Variants in HYDIN observed in about 807,000 individuals in gnomAD.
HYDIN encodes the protein axonemal central pair apparatus protein HYDIN.
In HYDIN, 132 loss-of-function variants were observed where a neutral mutation model predicts 403.9. The observed-to-expected ratio is 0.33, with a 90% CI of 0.28 to 0.38. The LOEUF is 0.38. Among genes scored for constraint, HYDIN ranks in the 10% least tolerant of loss-of-function variants. The probability of loss-of-function intolerance (pLI) is 1.00; values close to 1 mark genes in which losing one functional copy is unlikely to be tolerated. For missense variants in HYDIN, 2,827 were observed against 5,009.5 expected, an observed-to-expected ratio of 0.56 and a Z score of 13.15; for synonymous variants, 1,202 against 1,891.7, an observed-to-expected ratio of 0.64 and a Z score of 9.46.
chr16:70,928,421 C>A (rs1346928368), intron 45 of HYDIN, among the ~76,000 whole-genome samples: 1 of 152,126 alleles, frequency 6.6e-6, no homozygotes, highest in African/African-American at 2.4e-5. Context: ...TCACGCCAAG[C>A]ACTCCAGCAC....
At chr16:71,057,546 T>A (rs1238139308) in intron 18 of HYDIN, among the ~76,000 whole-genome samples, 1 of 152,180 alleles carries the variant, frequency 6.6e-6, no homozygotes, top group African/African-American at 2.4e-5. Context: ...TTAGTTCTCA[T>A]CCAAATGCAA....
chr16:70,921,308 T>A, intron 45 of HYDIN, 91 bp from the exon 46 acceptor site: 1 of 1,478,434 alleles, frequency 6.8e-7, no homozygotes, highest in Non-Finnish European at 9.0e-7. Flanking sequence ...TTTTGTCTCA[T>A]GAGAAGGTCT....
chr16:71,044,021 C>T (rs1347753685), intron 18 of HYDIN, among the ~76,000 whole-genome samples: 2 of 151,722 alleles, frequency 1.3e-5, no homozygotes, highest in Non-Finnish European at 2.9e-5. Flanking sequence ...AGCAAGCAAG[C>T]AAGGAAGCCT....
chr16:70,860,209 G>A lies in HYDIN; in HGVS notation c.11991-3C>T, dbSNP rs974354939. The A allele has an allele frequency of 6.2e-7, 1 of 1,611,338 alleles. No individual in the cohort carries two copies. The highest frequency in any genetic ancestry group is 8.5e-7 in the Non-Finnish European group (1 of 1,179,234). On this transcript the variant is annotated splice_region_variant and splice_polypyrimidine_tract_variant and intron_variant, in intron 70 of 85. Coordinates refer to ENST00000393567, the MANE Select transcript of HYDIN (RefSeq NM_001270974.2). ...TTGGGTTTAGGATGGTAAAGGTCCT[G>A]GCCAGGGTGGAGAGAATTGACAGAA...
intron 31 of HYDIN, 137 bp from the exon 32 acceptor site, chr16:70,974,807 C>T: frequency 2.7e-6 from 2 of 749,036 alleles, no homozygotes; most frequent in Non-Finnish European, 4.3e-6. Flanking sequence ...CAAATGGCTA[C>T]CCAAATGGAG....
intron 42 of HYDIN, among the ~76,000 whole-genome samples, chr16:70,943,539 G>C (rs1213411910): frequency 6.6e-6 from 1 of 152,052 alleles, no homozygotes. Context: ...GCTCCACATT[G>C]TAATTTTTAA....
intron 35 of HYDIN, among the ~76,000 whole-genome samples, chr16:70,972,939 T>C (rs1262125046): frequency 6.6e-6 from 1 of 152,244 alleles, no homozygotes; most frequent in Non-Finnish European, 1.5e-5. Flanking sequence ...GCGAAGCTTA[T>C]GAAATCTCAA....
At chr16:71,067,619 A>G (rs2082319912) in intron 14 of HYDIN, among the ~76,000 whole-genome samples, 1 of 151,460 alleles carries the variant, frequency 6.6e-6, no homozygotes, top group Non-Finnish European at 1.5e-5. Flanking sequence ...GGCTTTGCTC[A>G]TTTCTGAGGA....
intron 53 of HYDIN, among the ~76,000 whole-genome samples, chr16:70,898,916 G>A (rs1460424529): frequency 6.6e-6 from 1 of 151,944 alleles, no homozygotes; most frequent in South Asian, 2.1e-4. Context: ...GCTAATTTTT[G>A]TAATTTGTAA....
chr16:70,955,509 T>C lies in HYDIN; in HGVS notation c.6182A>G (p.Asn2061Ser), dbSNP rs760069545. The C allele has an allele frequency of 6.0e-5, 94 of 1,571,630 alleles. No individual in the cohort carries two copies. The East Asian group carries it at 1.1e-3, about 19-fold the overall frequency. Residue 2061 changes from asparagine (N) to serine (S), a missense_variant, in exon 40 of 86, where the codon AAC becomes AGC. Physicochemically the swap from Asn to Ser is conservative, Grantham distance 46. Transcript: ENST00000393567. The part of the protein sequence containing the change: ...ANAVSVAKYY[N>S]AACLSIDSIV... ...GGAGTCGATGCTCAGGCAGGCTGCG[T>C]TGTAGTACTTGGCCACGCTAACGGC...
chr16:70,849,997 TG>T (rs2038510845), intron 74 of HYDIN, 50 bp from the exon 75 acceptor site: 1 of 592,810 alleles, frequency 1.7e-6, no homozygotes, highest in African/African-American at 1.9e-5. Flanking sequence ...TTCCCTTGTC[TG>T]GGGTCAGCAT....
At chr16:71,063,626 T>C (rs553469148) in intron 16 of HYDIN, among the ~76,000 whole-genome samples, 30 of 152,270 alleles carry the variant, frequency 2.0e-4, no homozygotes, top group Admixed American at 5.9e-4. Flanking sequence ...TTAGACCTTG[T>C]CTCCTGTCAC....
At chr16:70,983,749 A>C (rs2079105423) in intron 28 of HYDIN, among the ~76,000 whole-genome samples, 1 of 149,688 alleles carries the variant, frequency 6.7e-6, no homozygotes, top group Non-Finnish European at 1.5e-5. Flanking sequence ...CAATATTGGT[A>C]ACAATATAAG....
At chr16:70,989,179 T>C (rs1404767790) in intron 25 of HYDIN, among the ~76,000 whole-genome samples, 1 of 152,130 alleles carries the variant, frequency 6.6e-6, no homozygotes. Context: ...CCTTCCCACC[T>C]CAGCCTCCCT....
At position 70,807,724 on chromosome 16, in the gene HYDIN, G is replaced by C. The variant is rs2035179067; in HGVS notation, c.15222C>G (p.Ile5074Met). The change falls in exon 86 of 86, where the codon ATC becomes ATG. Residue 5074 changes from isoleucine to methionine, a missense_variant. Coordinates refer to ENST00000393567, the MANE Select transcript of HYDIN (RefSeq NM_001270974.2). The part of the protein sequence containing the change: ...RAGESVRPKK[I>M]NNITVSFEGN... ...CTTCAAAGGAGACTGTGATGTTGTT[G>C]ATCTTCTTGGGCCGCACAGACTCTC... is the stretch of plus-strand genomic sequence containing the variant. The C allele has an allele frequency of 6.2e-7, 1 of 1,614,166 alleles. No individual in the cohort carries two copies. The highest frequency in any genetic ancestry group is 1.3e-5 in the African/African-American group (1 of 75,028).
intron 1 of HYDIN, among the ~76,000 whole-genome samples, chr16:71,225,851 G>C (rs2041011023): frequency 6.6e-6 from 1 of 151,992 alleles, no homozygotes; most frequent in Non-Finnish European, 1.5e-5. Flanking sequence ...TAAAAACAGA[G>C]CTAACAAAAC....
chr16:71,136,689 C>G (rs1325055104), intron 8 of HYDIN, among the ~76,000 whole-genome samples: 3 of 147,426 alleles, frequency 2.0e-5, no homozygotes, highest in African/African-American at 7.5e-5. Context: ...ATTGCTTGAA[C>G]CCAGGAGGCA....
At chr16:71,170,936 G>GA (rs1006310291) in intron 5 of HYDIN, among the ~76,000 whole-genome samples, 1 of 152,162 alleles carries the variant, frequency 6.6e-6, no homozygotes, top group Non-Finnish European at 1.5e-5. Context: ...GCAGAAAGTA[G>GA]AAAGACACTC....
At chr16:71,212,838 G>A (rs2088668899) in intron 1 of HYDIN, among the ~76,000 whole-genome samples, 1 of 151,946 alleles carries the variant, frequency 6.6e-6, no homozygotes. Context: ...GATTCAAGAA[G>A]CTCAAAAAGT....
Sources: gnomAD v4.1 joint callset for allele counts (sites outside exome capture counted in the v4.1 genomes callset) on GRCh38, gnomAD v4.1.1 for gene constraint, MANE v1.5 for transcripts, NCBI Gene and HGNC (gene_info 2026-07-23, HGNC 2026-07-21) for gene names.